Variants in PPM1L observed in about 807,000 individuals in gnomAD.
The protein encoded by PPM1L is protein phosphatase, Mg2+/Mn2+ dependent 1L, also known as protein phosphatase 1L.
A neutral mutation model predicts 31.4 loss-of-function variants in PPM1L; 13 were observed. That is an observed-to-expected ratio of 0.41 (90% CI 0.27 to 0.66). PPM1L has a LOEUF of 0.66. Among genes scored for constraint, PPM1L ranks in the 30% least tolerant of loss-of-function variants. The pLI is 0.29. For synonymous variants in PPM1L, 184 were observed against 175.4 expected, an observed-to-expected ratio of 1.05 and a Z score of -0.39; for missense variants, 326 against 453.7, an observed-to-expected ratio of 0.72 and a Z score of 2.56.
intron 1 of PPM1L, among the ~76,000 whole-genome samples, chr3:160,801,292 G>A (rs1227396724): frequency 6.6e-6 from 1 of 152,044 alleles, no homozygotes; most frequent in Non-Finnish European, 1.5e-5. Flanking sequence ...TCCATTTAAG[G>A]GCCAGAGTCA....
chr3:161,063,734 G>A (rs2108108786), intron 2 of PPM1L, among the ~76,000 whole-genome samples: 1 of 152,224 alleles, frequency 6.6e-6, no homozygotes, highest in South Asian at 2.1e-4. Context: ...GTTTATTGCA[G>A]CACTATTCAC....
intron 1 of PPM1L, among the ~76,000 whole-genome samples, chr3:160,834,133 C>T (rs375906778): frequency 4.9e-4 from 74 of 151,400 alleles, no homozygotes; most frequent in African/African-American, 1.7e-3. Flanking sequence ...ACGCCATTCT[C>T]CTGCCTCAGC....
chr3:160,875,573 G>A (rs946568139), intron 1 of PPM1L, among the ~76,000 whole-genome samples: 2 of 152,294 alleles, frequency 1.3e-5, no homozygotes, highest in African/African-American at 4.8e-5. Context: ...GATTTGGAGA[G>A]AGCTTTAGAA....
Position 160,819,573 on chromosome 3 carries a change from G to A in PPM1L, c.399+62866G>A, listed in dbSNP as rs116246745. On this transcript the variant is annotated intron_variant, in intron 1 of 3. Transcript: ENST00000498165. ...CTACTATGTGTCAGATTGTCTTCTA[G>A]GTGTTTTCTAAGTGGTGTTATAGGG... Among the ~76,000 whole-genome samples the A allele has an allele frequency of 3.3e-3, 509 of 152,008 alleles. 3 individuals carry two copies. The highest frequency in any genetic ancestry group is 0.017 in the Middle Eastern group (5 of 294).
At chr3:160,930,262 TAAA>T (rs546483305) in intron 1 of PPM1L, among the ~76,000 whole-genome samples, 1 of 145,534 alleles carries the variant, frequency 6.9e-6, no homozygotes, top group Non-Finnish European at 1.5e-5. Context: ...AGCAGTCCCT[TAAA>T]AAAAAAAAAG....
intron 1 of PPM1L, among the ~76,000 whole-genome samples, chr3:160,935,122 C>G (rs192356792): frequency 6.6e-6 from 1 of 151,998 alleles, no homozygotes; most frequent in African/African-American, 2.4e-5. Flanking sequence ...TGAGTGAAGA[C>G]CTGTGTGTTA....
intron 1 of PPM1L, among the ~76,000 whole-genome samples, chr3:160,766,841 G>A (rs755003961): frequency 6.6e-6 from 1 of 150,582 alleles, no homozygotes; most frequent in Admixed American, 6.6e-5. Flanking sequence ...ATTAAGGAGG[G>A]CCTTGATACT....
chr3:160,990,507 G>C (rs1002702019), intron 2 of PPM1L, among the ~76,000 whole-genome samples: 2 of 152,190 alleles, frequency 1.3e-5, no homozygotes, highest in African/African-American at 2.4e-5. Context: ...TAATGGAGTT[G>C]TCAGATGTGT....
At chr3:161,040,888 G>T (rs753446249) in intron 2 of PPM1L, among the ~76,000 whole-genome samples, 3 of 152,102 alleles carry the variant, frequency 2.0e-5, no homozygotes, top group Non-Finnish European at 4.4e-5. Context: ...TTTATTTGCC[G>T]TATCTTGAAA....
intron 1 of PPM1L, among the ~76,000 whole-genome samples, chr3:160,863,031 T>C (rs1368201762): frequency 6.6e-6 from 1 of 152,252 alleles, no homozygotes; most frequent in Non-Finnish European, 1.5e-5. Context: ...ATTCATTTAC[T>C]AGCCTTTGTC....
intron 2 of PPM1L, among the ~76,000 whole-genome samples, chr3:161,025,898 A>G (rs1718375063): frequency 6.6e-6 from 1 of 152,210 alleles, no homozygotes; most frequent in Non-Finnish European, 1.5e-5. Context: ...TTATAATAAT[A>G]TTTTAAAGAT....
intron 2 of PPM1L, among the ~76,000 whole-genome samples, chr3:160,970,020 CT>C (rs1365900591): frequency 6.6e-6 from 1 of 152,066 alleles, no homozygotes; most frequent in Non-Finnish European, 1.5e-5. Context: ...AATTTTATAT[CT>C]TTTTTATTTA....
At chr3:160,922,296 C>T (rs376226818) in intron 1 of PPM1L, among the ~76,000 whole-genome samples, 35 of 152,118 alleles carry the variant, frequency 2.3e-4, no homozygotes, top group Admixed American at 2.0e-3. Context: ...GGTGACAAAG[C>T]GAGACTCCGT....
At chr3:160,995,495 A>G (rs1322191006) in intron 2 of PPM1L, among the ~76,000 whole-genome samples, 3 of 152,066 alleles carry the variant, frequency 2.0e-5, no homozygotes, top group Middle Eastern at 3.4e-3. Flanking sequence ...TAATTTTTGT[A>G]TTTTTAGTAG....
chr3:161,015,467 C>T (rs1323186529), intron 2 of PPM1L, among the ~76,000 whole-genome samples: 1 of 152,194 alleles, frequency 6.6e-6, no homozygotes, highest in Admixed American at 6.5e-5. Flanking sequence ...AATATGCAAA[C>T]TATATCTCTA....
chr3:160,782,321 A>C (rs960280115), intron 1 of PPM1L, among the ~76,000 whole-genome samples: 2 of 152,190 alleles, frequency 1.3e-5, no homozygotes, highest in African/African-American at 2.4e-5. Context: ...AGTTTTCAGC[A>C]CTACCACCAC....
intron 2 of PPM1L, among the ~76,000 whole-genome samples, chr3:161,060,883 C>G (rs1719552385): frequency 6.6e-6 from 1 of 151,932 alleles, no homozygotes; most frequent in Non-Finnish European, 1.5e-5. Flanking sequence ...GTAACATTGT[C>G]TGGCCCTGGT....
At position 161,002,032 on chromosome 3, in the gene PPM1L, C is replaced by A. The variant is rs1281362587; in HGVS notation, c.574+40122C>A. ...TCCCCAGAGTGTGATGTTCCCCTTCCTATGTCCATGTGTTCTCATTGTTCA... is the reference window on the plus strand; with the variant it reads ...TCCCCAGAGTGTGATGTTCCCCTTCATATGTCCATGTGTTCTCATTGTTCA... On this transcript the variant is annotated intron_variant, in intron 2 of 3. Coordinates refer to ENST00000498165, the MANE Select transcript of PPM1L (RefSeq NM_139245.4). Among the ~76,000 whole-genome samples, 9 of 150,406 alleles carry A rather than the reference C, an allele frequency of 6.0e-5. No homozygotes were observed. In the East Asian group the frequency reaches 9.9e-4, roughly 16 times the overall value.
At chr3:160,784,855 T>C (rs2108068900) in intron 1 of PPM1L, among the ~76,000 whole-genome samples, 1 of 152,060 alleles carries the variant, frequency 6.6e-6, no homozygotes, top group African/African-American at 2.4e-5. Flanking sequence ...TAAGGGAAGG[T>C]TGAAGGAGGG....
Sources: gnomAD v4.1 joint callset for allele counts (sites outside exome capture counted in the v4.1 genomes callset) on GRCh38, gnomAD v4.1.1 for gene constraint, MANE v1.5 for transcripts, NCBI Gene and HGNC (gene_info 2026-07-23, HGNC 2026-07-21) for gene names.